The following TNNI3K variants were observed in gnomAD, a reference collection of about 807,000 sequenced individuals.
TNNI3K encodes serine/threonine-protein kinase TNNI3K.
TNNI3K carries 140 observed loss-of-function variants against 114.5 expected under a neutral mutation model. The ratio of observed to expected loss-of-function variants is 1.22; its 90% confidence interval spans 1.07 to 1.41. The LOEUF (loss-of-function observed/expected upper bound fraction) is 1.41. Ranked by LOEUF, TNNI3K falls within the 40% of genes most tolerant of loss-of-function variation. The pLI is 0.00. For missense variants in TNNI3K, 1,125 were observed against 1,007.6 expected (o/e 1.12, Z -1.58); for synonymous variants, 347 against 347.5 (o/e 1.00, Z 0.02).
intron 17 of TNNI3K, chr1:74,418,031 C>A: frequency 1.1e-5 from 3 of 276,454 alleles, no homozygotes; most frequent in South Asian, 9.4e-5. Flanking sequence ...TTGCATCCAG[C>A]CTAGAATTTT....
intron 20 of TNNI3K, among the ~76,000 whole-genome samples, chr1:74,442,070 T>A (rs1400820263): frequency 6.6e-6 from 1 of 152,048 alleles, no homozygotes; most frequent in Non-Finnish European, 1.5e-5. Context: ...TTTATAGAAG[T>A]CTTACAGGTT....
chr1:74,450,475 C>T (rs1249110313), intron 20 of TNNI3K, among the ~76,000 whole-genome samples: 6 of 150,810 alleles, frequency 4.0e-5, no homozygotes, highest in Admixed American at 3.3e-4. Flanking sequence ...AGACAATCTA[C>T]CAAATAGAAA....
At chr1:74,424,764 G>A (rs1420832291) in intron 17 of TNNI3K, among the ~76,000 whole-genome samples, 1 of 150,672 alleles carries the variant, frequency 6.6e-6, no homozygotes, top group East Asian at 2.0e-4. Context: ...TTCTCAGAAG[G>A]TTGCTTTGAA....
chr1:74,343,718 C>T (rs1283396882), intron 9 of TNNI3K, among the ~76,000 whole-genome samples: 2 of 152,070 alleles, frequency 1.3e-5, no homozygotes, highest in East Asian at 3.9e-4. Flanking sequence ...TCTAGGAATT[C>T]GTGAGAGCCC....
At chr1:74,264,287 A>T (rs1398101001) in intron 4 of TNNI3K, among the ~76,000 whole-genome samples, 1 of 151,938 alleles carries the variant, frequency 6.6e-6, no homozygotes, top group African/African-American at 2.4e-5. Context: ...ATAGGTATGA[A>T]CCTTTGTGAG....
intron 20 of TNNI3K, among the ~76,000 whole-genome samples, chr1:74,455,412 C>T (rs2100706592): frequency 6.6e-6 from 1 of 152,280 alleles, no homozygotes; most frequent in African/African-American, 2.4e-5. Context: ...AGTCAAACAA[C>T]ACAGACTATA....
intron 9 of TNNI3K, among the ~76,000 whole-genome samples, chr1:74,344,938 G>A (rs1660922514): frequency 1.3e-5 from 2 of 152,008 alleles, no homozygotes; most frequent in African/African-American, 4.8e-5. Context: ...CACAGAGTAA[G>A]CACTCAGTAC....
intron 17 of TNNI3K, among the ~76,000 whole-genome samples, chr1:74,397,561 T>A (rs1204250585): frequency 6.6e-6 from 1 of 152,190 alleles, no homozygotes; most frequent in African/African-American, 2.4e-5. Flanking sequence ...AAAAGATAAT[T>A]TGTCTTAACA....
chr1:74,257,027 A>C (rs1655357353), intron 4 of TNNI3K, among the ~76,000 whole-genome samples: 2 of 152,214 alleles, frequency 1.3e-5, no homozygotes, highest in South Asian at 4.1e-4. Flanking sequence ...CATATGTTAG[A>C]TTGTTTGATA....
At chr1:74,525,191 G>A (rs769000240) in intron 23 of TNNI3K, among the ~76,000 whole-genome samples, 1 of 152,172 alleles carries the variant, frequency 6.6e-6, no homozygotes, top group Non-Finnish European at 1.5e-5. Context: ...AAAGAATGCA[G>A]CAGGCATAAA....
chr1:74,436,384 G>T, intron 18 of TNNI3K, 90 bp from the exon 19 acceptor site: 1 of 1,386,934 alleles, frequency 7.2e-7, no homozygotes, highest in Non-Finnish European at 9.6e-7. Flanking sequence ...TAAGACAGAA[G>T]TCTCTTGAGG....
chr1:74,353,964 T>C lies in TNNI3K; in HGVS notation c.1028-16T>C. 6.3e-7 allele frequency: 1 copy of C among 1,590,576 alleles called. No individual in the cohort carries two copies. Among genetic ancestry groups the C allele is most frequent in the Non-Finnish European group, 8.5e-7 (1 of 1,171,240 alleles). On this transcript the variant is annotated splice_polypyrimidine_tract_variant and intron_variant, in intron 10 of 24. Coordinates refer to ENST00000326637, the MANE Select transcript of TNNI3K (RefSeq NM_015978.3). ...CTTTTTTCTCCTTTTGTTCTTTCAA[T>C]TCTTTTCTATTACAGGATTACACTC...
At chr1:74,266,995 T>C (rs1656034828) in intron 4 of TNNI3K, among the ~76,000 whole-genome samples, 1 of 151,912 alleles carries the variant, frequency 6.6e-6, no homozygotes, top group Non-Finnish European at 1.5e-5. Flanking sequence ...ACAAATACAT[T>C]ACAAAGAGCT....
intron 5 of TNNI3K, among the ~76,000 whole-genome samples, chr1:74,296,439 A>G (rs1421630484): frequency 1.3e-5 from 2 of 151,794 alleles, no homozygotes; most frequent in Non-Finnish European, 2.9e-5. Flanking sequence ...TTAAAATGCT[A>G]TGTCATAATT....
At position 74,471,232 on chromosome 1, in the gene TNNI3K, G is replaced by A. The variant is rs79413610; in HGVS notation, c.2121+7682G>A. On this transcript the variant is annotated intron_variant, in intron 21 of 24. Coordinates refer to ENST00000326637, the MANE Select transcript of TNNI3K (RefSeq NM_015978.3). The stretch of plus-strand genomic sequence containing the variant: ...ACGTTTAGTGTTTCGTTGATAATAT[G>A]GGGTCTGCTTTGAGTCATGTTTCAG... The A allele has an allele frequency of 8.4e-3, 3,359 of 400,666 alleles. 84 individuals carry two copies. The highest frequency in any genetic ancestry group is 0.055 in the African/African-American group (2,667 of 48,760). 24.8% of individuals were successfully genotyped at this position (400,666 alleles called of 1,614,324 possible).
chr1:74,476,875 T>C (rs1668233545), intron 21 of TNNI3K, among the ~76,000 whole-genome samples: 4 of 152,036 alleles, frequency 2.6e-5, no homozygotes, highest in African/African-American at 7.3e-5. Flanking sequence ...CAGGTCATGA[T>C]TGTTTCTTTT....
intron 23 of TNNI3K, among the ~76,000 whole-genome samples, chr1:74,509,080 A>C (rs1670050809): frequency 6.6e-6 from 1 of 152,170 alleles, no homozygotes; most frequent in African/African-American, 2.4e-5. Context: ...TTATTCAGAC[A>C]CTTTCTTCTT....
At chr1:74,253,261 C>T (rs1655058626) in intron 4 of TNNI3K, among the ~76,000 whole-genome samples, 1 of 152,214 alleles carries the variant, frequency 6.6e-6, no homozygotes, top group Non-Finnish European at 1.5e-5. Context: ...GACTCAGGAG[C>T]CCAGCTGGCT....
chr1:74,415,188 A>G (rs1665059862), intron 17 of TNNI3K, among the ~76,000 whole-genome samples: 1 of 152,140 alleles, frequency 6.6e-6, no homozygotes, highest in African/African-American at 2.4e-5. Context: ...CCCAGCCCAT[A>G]TGGCTGTCCT....
Sources: gnomAD v4.1 joint callset for allele counts (sites outside exome capture counted in the v4.1 genomes callset) on GRCh38, gnomAD v4.1.1 for gene constraint, MANE v1.5 for transcripts, NCBI Gene and HGNC (gene_info 2026-07-23, HGNC 2026-07-21) for gene names.